The following UGT1A4 variants were observed in gnomAD, a reference collection of about 807,000 sequenced individuals.
The protein encoded by UGT1A4 is UDP glucuronosyltransferase family 1 member A4, also known as UDP-glucuronosyltransferase 1A4.
A neutral mutation model predicts 41.1 loss-of-function variants in UGT1A4; 32 were observed. The ratio of observed to expected loss-of-function variants is 0.78; its 90% CI spans 0.59 to 1.05. The LOEUF (loss-of-function observed/expected upper bound fraction) is 1.05. Among genes scored for constraint, UGT1A4 ranks in the 50% least tolerant of loss-of-function variants. UGT1A4 has a pLI of 0.00. For missense variants in UGT1A4, 748 were observed against 677.4 expected (o/e 1.10, Z -1.16); for synonymous variants, 283 against 265.1 (o/e 1.07, Z -0.66).
intron 1 of UGT1A4, among the ~76,000 whole-genome samples, chr2:233,764,040 T>A (rs1199805174): frequency 6.6e-6 from 1 of 152,160 alleles, no homozygotes; most frequent in East Asian, 1.9e-4. Flanking sequence ...AAAGAAGAAT[T>A]CTGGGAAAAT....
chr2:233,755,370 G>C, intron 1 of UGT1A4: 2 of 359,040 alleles, frequency 5.6e-6, no homozygotes, highest in South Asian at 4.4e-5. Context: ...GCCGCCTGGA[G>C]GGCCGCCCCT....
chr2:233,760,473 T>TGAC, intron 1 of UGT1A4: 1 of 1,614,230 alleles, frequency 6.2e-7, no homozygotes, highest in Non-Finnish European at 8.5e-7. Context: ...TCCTAGCACC[T>TGAC]GACGCCTCGT....
intron 1 of UGT1A4, 58 bp downstream of exon 1, chr2:233,719,745 G>A: frequency 6.2e-7 from 1 of 1,612,936 alleles, no homozygotes; most frequent in Non-Finnish European, 8.5e-7. Flanking sequence ...TTTAAAAAAT[G>A]TATTTACTTA....
At chr2:233,761,005 A>G (rs1292729265) in intron 1 of UGT1A4, 1 of 1,614,128 alleles carries the variant, frequency 6.2e-7, no homozygotes, top group South Asian at 1.1e-5. Context: ...ATTCCTTCAG[A>G]GAGAGGTGAC....
chr2:233,740,171 G>A (rs920285091), intron 1 of UGT1A4, among the ~76,000 whole-genome samples: 9 of 151,848 alleles, frequency 5.9e-5, no homozygotes, highest in African/African-American at 2.2e-4. Flanking sequence ...ATGTGGAACT[G>A]TGAGTCAATT....
rs1700543708 is a variant in UGT1A4 at position 233,772,722 on chromosome 2, T to TA, written c.*164dup. On this transcript the variant is annotated 3_prime_UTR_variant, in exon 5 of 5. Transcript: ENST00000373409. ...AAAAAATTCTCTTAAATAAAAATAA[T>TA]AGACTCGCTAGTCAGTAAAGATATT... 1 of 1,454,026 alleles carries TA rather than the reference T, an allele frequency of 6.9e-7. No homozygotes were observed. The highest frequency in any genetic ancestry group is 9.0e-7 in the Non-Finnish European group (1 of 1,106,108). The allele number at this position is 1,454,026 out of a possible 1,614,324, so 90.1% of individuals were successfully genotyped here. A position where few individuals can be genotyped will look rare whatever the true frequency, so the allele number is the denominator to read the frequency against.
chr2:233,721,622 A>G (rs2076958313), intron 1 of UGT1A4: 1 of 189,722 alleles, frequency 5.3e-6, no homozygotes, highest in Non-Finnish European at 1.1e-5. Flanking sequence ...GTTCCTTATC[A>G]GTAAAGATCA....
intron 1 of UGT1A4, among the ~76,000 whole-genome samples, chr2:233,764,762 A>G (rs1448451732): frequency 6.6e-6 from 1 of 152,160 alleles, no homozygotes; most frequent in Admixed American, 6.5e-5. Flanking sequence ...GACCCTAGGG[A>G]GGAAGGAGTT....
intron 1 of UGT1A4, among the ~76,000 whole-genome samples, chr2:233,759,189 C>T (rs938228585): frequency 2.0e-5 from 3 of 152,184 alleles, no homozygotes; most frequent in African/African-American, 7.2e-5. Flanking sequence ...CAAAAAGTTC[C>T]TTCCCAGGTT....
chr2:233,764,438 T>C (rs1160972363), intron 1 of UGT1A4, among the ~76,000 whole-genome samples: 2 of 152,224 alleles, frequency 1.3e-5, no homozygotes, highest in Non-Finnish European at 2.9e-5. Context: ...GATGAACTTT[T>C]GTGCCATTTA....
chr2:233,769,592 C>T lies in UGT1A4; in HGVS notation c.1307+1153C>T, dbSNP rs199786512. ...TGGAGCATGTTCAGATGAGAGGAGA[C>T]GGAACACGGGGACACACCAGCTTGA... On this transcript the variant is annotated intron_variant, in intron 4 of 4. Transcript: ENST00000373409. This position sits in a 1 kb window ranked among gnomAD's most constrained non-coding sequence, Gnocchi z 4.4. The T allele has an allele frequency of 1.8e-3, 2,836 of 1,612,822 alleles. 7 individuals carry two copies. The highest frequency in any genetic ancestry group is 2.6e-3 in the Middle Eastern group (16 of 6,052).
At position 233,734,691 on chromosome 2, in the gene UGT1A4, CCCAGAGA is replaced by C. The variant is rs551995171; in HGVS notation, c.867+15005_867+15011del. On this transcript the variant is annotated intron_variant, in intron 1 of 4. Coordinates refer to ENST00000373409, the MANE Select transcript of UGT1A4 (RefSeq NM_007120.3). ...CCTCTACACACTGATTTAAATGTGT[CCCAGAGA>C]TTCTGGTATGTTGTGTCTTTGTTCT... Among the ~76,000 whole-genome samples, 1,501 of 152,268 alleles carry C rather than the reference CCCAGAGA, an allele frequency of 9.9e-3. 21 individuals carry two copies. The highest frequency in any genetic ancestry group is 0.034 in the African/African-American group (1,432 of 41,544).
intron 1 of UGT1A4, among the ~76,000 whole-genome samples, chr2:233,757,554 A>ATATATATATATATATATATATT (rs1696625820): frequency 7.9e-6 from 1 of 126,928 alleles, no homozygotes; most frequent in Non-Finnish European, 1.6e-5. Context: ...ATATATATAT[A>ATATATATATATATATATATATT]TATATATGTA....
chr2:233,765,010 C>G (rs940800648), intron 1 of UGT1A4, among the ~76,000 whole-genome samples: 10 of 152,056 alleles, frequency 6.6e-5, no homozygotes, highest in Non-Finnish European at 1.2e-4. Context: ...TGTTCCAAAT[C>G]AGGCTTGGCA....
Position 233,719,330 on chromosome 2 carries a change from G to A in UGT1A4, c.510G>A (p.Val170=). 1.2e-6 allele frequency: 2 copies of A among 1,613,866 alleles called. No individual in the cohort carries two copies. The highest frequency in any genetic ancestry group is 1.7e-4 in the Middle Eastern group (1 of 6,058). Residue 170 remains valine, a synonymous_variant, in exon 1 of 5, where the codon GTG becomes GTA. Transcript: ENST00000373409. ...VLAKYLSIPA[V]FFWRYIPCDL... is the part of the protein sequence containing the mutation. ...CTAAGTACCTGTCGATTCCTGCTGT[G>A]TTTTTTTGGAGGTACATTCCATGTG... is the stretch of plus-strand genomic sequence containing the variant.
chr2:233,725,867 A>C (rs2077480868), intron 1 of UGT1A4, among the ~76,000 whole-genome samples: 1 of 152,102 alleles, frequency 6.6e-6, no homozygotes, highest in Admixed American at 6.5e-5. Context: ...CATCTCTTTT[A>C]ATTTGAAAAT....
At chr2:233,754,955 G>T in intron 1 of UGT1A4, 1 of 1,314,366 alleles carries the variant, frequency 7.6e-7, no homozygotes, top group Non-Finnish European at 1.0e-6. Context: ...GGTCCCGGCC[G>T]CCAAAGAACT....
Position 233,719,297 on chromosome 2 carries a change from G to A in UGT1A4, c.477G>A (p.Ala159=), listed in dbSNP as rs45467894. ...VLTDPVNLCG[A]VLAKYLSIPA... ...CAGACCCCGTTAACCTCTGTGGGGC[G>A]GTGCTGGCTAAGTACCTGTCGATTC... The change falls in exon 1 of 5, where the codon GCG becomes GCA. Residue 159 remains alanine, a synonymous_variant. Coordinates refer to ENST00000373409, the MANE Select transcript of UGT1A4 (RefSeq NM_007120.3). 296 of 1,613,968 alleles carry A rather than the reference G, an allele frequency of 1.8e-4. No homozygotes were observed. Among genetic ancestry groups the A allele is most frequent in the African/African-American group, 1.8e-3 (137 of 75,024 alleles).
Position 233,772,306 on chromosome 2 carries a change from G to T in UGT1A4, c.1352G>T (p.Arg451Leu), listed in dbSNP as rs200370335. 9.9e-6 allele frequency: 16 copies of T among 1,614,092 alleles called. No individual in the cohort carries two copies. Among genetic ancestry groups the T allele is most frequent in the South Asian group, 2.2e-5 (2 of 91,084 alleles). ...CGCCTCTCCAGCCTTCACAAGGACC[G>T]CCCGGTGGAGCCGCTGGACCTGGCC... ...IMRLSSLHKD[R>L]PVEPLDLAVF... The change falls in exon 5 of 5, where the codon CGC (arginine) becomes CTC (leucine). Residue 451 changes from arginine (R) to leucine (L), a missense_variant. By Grantham distance (102) the Arg-to-Leu change is moderately radical. Coordinates refer to ENST00000373409, the MANE Select transcript of UGT1A4 (RefSeq NM_007120.3).
Sources: gnomAD v4.1 joint callset for allele counts (sites outside exome capture counted in the v4.1 genomes callset) on GRCh38, gnomAD v4.1.1 for gene constraint, Gnocchi (gnomAD v3.1) non-coding constraint, MANE v1.5 for transcripts, NCBI Gene and HGNC (gene_info 2026-07-23, HGNC 2026-07-21) for gene names.